Variants in WDPCP observed in about 807,000 individuals in gnomAD.
WDPCP encodes WD repeat-containing and planar cell polarity effector protein fritz homolog.
In WDPCP, 71 loss-of-function variants were observed where a neutral mutation model predicts 93.1. The observed-to-expected ratio is 0.76, with a 90% CI of 0.63 to 0.93. WDPCP has a LOEUF of 0.93. WDPCP is among the 40% of genes least tolerant of loss of function. The pLI is 0.00. For synonymous variants in WDPCP, 315 were observed against 315.0 expected, an observed-to-expected ratio of 1.00 and a Z score of 0.00; for missense variants, 844 against 887.4, an observed-to-expected ratio of 0.95 and a Z score of 0.62.
chr2:63,575,360 A>AGTATATACAGTATATACAGTATATACACG (rs1707863945), intron 1 of WDPCP, among the ~76,000 whole-genome samples: 2 of 105,000 alleles, frequency 1.9e-5, no homozygotes, highest in South Asian at 3.0e-4. Flanking sequence ...TGGTATATAC[A>AGTATATACAGTATATACAGTATATACACG]GTATATACAG....
intron 2 of WDPCP, among the ~76,000 whole-genome samples, chr2:63,690,087 A>G (rs10168461): frequency 0.6 from 90,981 of 151,934 alleles, 28,461 homozygotes; most frequent in African/African-American, 0.77. Context: ...AAACCAGACA[A>G]CTCCAGCTAA....
intron 14 of WDPCP, among the ~76,000 whole-genome samples, chr2:63,196,199 A>G (rs75915702): frequency 0.018 from 2,797 of 152,332 alleles, 91 homozygotes; most frequent in African/African-American, 0.064. Flanking sequence ...TCTGCCAAGA[A>G]GCAGAGAAAA....
At chr2:63,805,946 C>A (rs148992839) in intron 2 of WDPCP, among the ~76,000 whole-genome samples, 2 of 152,062 alleles carry the variant, frequency 1.3e-5, no homozygotes, top group African/African-American at 2.4e-5. Context: ...ATGGCAAAAC[C>A]CCATCTCTAC....
chr2:63,228,236 C>A (rs930655109), intron 14 of WDPCP, among the ~76,000 whole-genome samples: 2 of 151,898 alleles, frequency 1.3e-5, no homozygotes, highest in African/African-American at 4.8e-5. Context: ...CTTAGGAAAA[C>A]TATTTGAAGT....
At chr2:63,162,024 C>G (rs903956704) in intron 15 of WDPCP, among the ~76,000 whole-genome samples, 2 of 152,280 alleles carry the variant, frequency 1.3e-5, no homozygotes, top group African/African-American at 4.8e-5. Context: ...TGTGCCTCAG[C>G]ATCCCAAAAT....
Position 63,259,324 on chromosome 2 carries a change from G to A in WDPCP, c.1898C>T (p.Ser633Leu), listed in dbSNP as rs1245429510. The change falls in exon 14 of 18, where the codon TCA becomes TTA. Residue 633 changes from serine to leucine, a missense_variant. Transcript: ENST00000272321. Reference sequence around the variant, plus strand: ...ATTCTTACCAACCCCAGAGGTTATTGATTCTGCATCAATGTCACTAGCTCT... The same window carrying A: ...ATTCTTACCAACCCCAGAGGTTATTAATTCTGCATCAATGTCACTAGCTCT... ...RKRASDIDAE[S>L]ITSGVELLGP... is the part of the protein sequence containing the mutation. The A allele has an allele frequency of 3.7e-6, 6 of 1,612,570 alleles. No homozygotes were observed. The highest frequency in any genetic ancestry group is 4.2e-6 in the Non-Finnish European group (5 of 1,179,494).
rs565345534 is a variant in WDPCP at position 63,255,414 on chromosome 2, G to A, written c.1915+3893C>T. On this transcript the variant is annotated intron_variant, in intron 14 of 17. Transcript: ENST00000272321. The stretch of plus-strand genomic sequence containing the variant: ...AATGTAATCCCCCATGTTGGAGGTA[G>A]GGCCTCATGGGAGGTGTTTGGGTCA... Among the ~76,000 whole-genome samples the A allele has an allele frequency of 2.6e-5, 4 of 152,276 alleles. No individual in the cohort carries two copies. The East Asian group carries it at 7.7e-4, about 29-fold the overall frequency.
At position 63,622,955 on chromosome 2, in the gene WDPCP, C is replaced by T. The variant is rs1709764564; in HGVS notation, n.488+27704G>A. On this transcript the variant is annotated intron_variant and non_coding_transcript_variant, in intron 3 of 4. Transcript: ENST00000467687. Reference sequence around the variant, plus strand: ...TGCTGCCAGGCTCGTAGCTCAGTCACCACCGCACGGCGCCCAAGCAGCTGC... The same window carrying T: ...TGCTGCCAGGCTCGTAGCTCAGTCATCACCGCACGGCGCCCAAGCAGCTGC... 9 of 798,346 alleles carry T rather than the reference C, an allele frequency of 1.1e-5. No individual in the cohort carries two copies. In the South Asian group the frequency reaches 1.4e-4, roughly 12 times the overall value. The allele number at this position is 798,346 out of a possible 1,614,324, so 49.5% of individuals were successfully genotyped here.
chr2:63,707,158 A>T (rs887444411), intron 2 of WDPCP, among the ~76,000 whole-genome samples: 2 of 152,030 alleles, frequency 1.3e-5, no homozygotes, highest in Non-Finnish European at 2.9e-5. Context: ...TATTTCCTGA[A>T]TTTGAATGTT....
intron 12 of WDPCP, among the ~76,000 whole-genome samples, chr2:63,354,736 GTA>G (rs35401013): frequency 1.1e-4 from 17 of 149,378 alleles, no homozygotes; most frequent in East Asian, 7.8e-4. Context: ...GTGTGTGTGT[GTA>G]TATGTATATA....
chr2:63,645,708 A>C (rs1710039999), intron 3 of WDPCP, among the ~76,000 whole-genome samples: 1 of 152,218 alleles, frequency 6.6e-6, no homozygotes, highest in Non-Finnish European at 1.5e-5. Flanking sequence ...ATATATATTT[A>C]CAATTGTTAT....
intron 1 of WDPCP, among the ~76,000 whole-genome samples, chr2:63,507,336 A>G (rs148054169): frequency 6.6e-6 from 1 of 152,262 alleles, no homozygotes; most frequent in East Asian, 1.9e-4. Flanking sequence ...GTTAGAAGAC[A>G]AAGGAGTTGT....
At chr2:63,818,096 TAATGAAA>T (rs1223011443) in intron 1 of WDPCP, among the ~76,000 whole-genome samples, 1 of 151,984 alleles carries the variant, frequency 6.6e-6, no homozygotes, top group Non-Finnish European at 1.5e-5. Context: ...CATTACAGAG[TAATGAAA>T]GAGAATTGGC....
chr2:63,163,149 G>A (rs1559166283), intron 15 of WDPCP, among the ~76,000 whole-genome samples: 1 of 152,136 alleles, frequency 6.6e-6, no homozygotes, highest in Non-Finnish European at 1.5e-5. Context: ...AAGAAAATAG[G>A]CCAGATTAAG....
chr2:63,439,906 G>C, intron 6 of WDPCP, 35 bp from the exon 7 acceptor site: 42 of 1,488,248 alleles, frequency 2.8e-5, no homozygotes, highest in Non-Finnish European at 3.8e-5. Flanking sequence ...GAGGGAGGAA[G>C]ACATGCTGTG....
chr2:63,788,958 G>T (rs1339627775), intron 2 of WDPCP, among the ~76,000 whole-genome samples: 6 of 152,110 alleles, frequency 3.9e-5, no homozygotes, highest in Non-Finnish European at 8.8e-5. Context: ...TGCTGCCCAG[G>T]TTGGTCCTGA....
rs145957568 is a variant in WDPCP, at chr2:63,226,872, A to G, written c.1915+32435T>C. 9.8e-3 allele frequency among the ~76,000 whole-genome samples: 1,493 copies of G among 152,116 alleles called. 15 individuals carry two copies. Among genetic ancestry groups the G allele is most frequent in the Non-Finnish European group, 0.015 (1,042 of 67,894 alleles). On this transcript the variant is annotated intron_variant, in intron 14 of 17. Transcript: ENST00000272321. ...TATCTACTGTAAGTGGAATTTAGCC[A>G]GAAAATAAAGAAGAAAGAACTAATT...
chr2:63,595,722 G>C (rs1709297584), intron 3 of WDPCP, among the ~76,000 whole-genome samples: 2 of 152,050 alleles, frequency 1.3e-5, no homozygotes, highest in African/African-American at 2.4e-5. Flanking sequence ...TCAGGTAAAG[G>C]ACTATCCTTT....
chr2:63,488,348 G>GTTT (rs1700688819), intron 2 of WDPCP, among the ~76,000 whole-genome samples: 1 of 151,964 alleles, frequency 6.6e-6, no homozygotes, highest in Non-Finnish European at 1.5e-5. Flanking sequence ...CAAACTGAAT[G>GTTT]ATAAAACTTC....
Sources: gnomAD v4.1 joint callset for allele counts (sites outside exome capture counted in the v4.1 genomes callset) on GRCh38, gnomAD v4.1.1 for gene constraint, MANE v1.5 for transcripts, NCBI Gene and HGNC (gene_info 2026-07-23, HGNC 2026-07-21) for gene names.